The following RSF1 variants were observed in gnomAD, a reference collection of about 807,000 sequenced individuals.
The protein encoded by RSF1 is HBV pX-associated protein 8.
Under a neutral mutation model 145.2 loss-of-function variants are expected in RSF1, and 13 were observed. The ratio of observed to expected loss-of-function variants is 0.09; its 90% CI spans 0.06 to 0.14. RSF1 has a LOEUF of 0.14. Ranked by LOEUF, RSF1 falls within the 10% of genes least tolerant of loss-of-function variation. The probability of loss-of-function intolerance (pLI) is 1.00; values close to 1 mark genes in which losing one functional copy is unlikely to be tolerated. For synonymous variants in RSF1, 577 were observed against 592.6 expected, an observed-to-expected ratio of 0.97 and a Z score of 0.38; for missense variants, 1,517 against 1,718.2, an observed-to-expected ratio of 0.88 and a Z score of 2.07.
chr11:77,869,955 G>A, the RSF1 span: 1 of 692,366 alleles, frequency 1.4e-6, no homozygotes, highest in African/African-American at 1.8e-5. Flanking sequence ...AGCAGTGGCT[G>A]CACACATTCC....
At chr11:77,669,877 T>C (rs1201641847) in intron 15 of RSF1, among the ~76,000 whole-genome samples, 1 of 152,180 alleles carries the variant, frequency 6.6e-6, no homozygotes, top group Non-Finnish European at 1.5e-5. Context: ...CCTGTAATCC[T>C]AACACTGTGG....
At position 77,666,119 on chromosome 11, in the gene RSF1, C is replaced by T. The variant is rs1959356862; in HGVS notation, c.*798G>A. 6.6e-6 allele frequency: 1 copy of T among 152,198 alleles called. No individual in the cohort carries two copies. Among genetic ancestry groups the T allele is most frequent in the South Asian group, 2.1e-4 (1 of 4,836 alleles). The allele number at this position is 152,198 out of a possible 1,614,324, so 9.4% of individuals were successfully genotyped here. The stretch of plus-strand genomic sequence containing the variant: ...ATTTCACTAATAACTCTCCATCAGA[C>T]ACAATATATTTGAGGCCACCTTATT... On this transcript the variant is annotated 3_prime_UTR_variant, in exon 16 of 16. Coordinates refer to ENST00000308488, the MANE Select transcript of RSF1 (RefSeq NM_016578.4).
Position 77,718,836 on chromosome 11 carries a change from G to C in RSF1, c.733+6709C>G, listed in dbSNP as rs180913022. Among the ~76,000 whole-genome samples the C allele has an allele frequency of 4.0e-3, 602 of 152,324 alleles. 3 individuals are homozygous for C. Among genetic ancestry groups the C allele is most frequent in the Non-Finnish European group, 6.4e-3 (437 of 68,030 alleles). On this transcript the variant is annotated intron_variant, in intron 5 of 15. Coordinates refer to ENST00000308488, the MANE Select transcript of RSF1 (RefSeq NM_016578.4). ...TGTGGTATTTTGTTATGAATAGCCT[G>C]AACAGACTAATAGACTACGTTAAGT... is the stretch of plus-strand genomic sequence containing the variant.
intron 11 of RSF1, among the ~76,000 whole-genome samples, chr11:77,683,182 G>A (rs560418481): frequency 6.6e-5 from 10 of 152,056 alleles, no homozygotes; most frequent in South Asian, 2.1e-4. Context: ...TCCCAGCTAC[G>A]TGGGAGGCTG....
At chr11:77,787,617 AAAAC>A (rs1948470012) in intron 1 of RSF1, among the ~76,000 whole-genome samples, 1 of 152,136 alleles carries the variant, frequency 6.6e-6, no homozygotes, top group African/African-American at 2.4e-5. Flanking sequence ...GAAAAAAATA[AAAAC>A]TAGACTAAAC....
the RSF1 span, among the ~76,000 whole-genome samples, chr11:77,835,923 A>G: frequency 6.6e-6 from 1 of 152,086 alleles, no homozygotes; most frequent in Non-Finnish European, 1.5e-5. Flanking sequence ...AGAAAAAAAA[A>G]ATAATAATAA....
chr11:77,792,756 C>G (rs1250227541), intron 1 of RSF1, among the ~76,000 whole-genome samples: 1 of 150,078 alleles, frequency 6.7e-6, no homozygotes, highest in Non-Finnish European at 1.5e-5. Flanking sequence ...AAAAAACTGC[C>G]AATCAAGATA....
rs763316597 is a variant in RSF1 at position 77,820,688 on chromosome 11, C to CGCCGCCGCT, written c.18_26dup (p.Ala7_Ala9dup). 30 of 1,551,922 alleles carry CGCCGCCGCT rather than the reference C, an allele frequency of 1.9e-5. No homozygotes were observed. Among genetic ancestry groups the CGCCGCCGCT allele is most frequent in the Non-Finnish European group, 2.5e-5 (29 of 1,149,250 alleles). ...CCGGGCAGCCCGGAGGAGCCATCAC[C>CGCCGCCGCT]GCCGCCGCTGCCGCCGCCGTCGCCA... On this transcript the variant is annotated inframe_insertion, in exon 1 of 16. Coordinates refer to ENST00000308488, the MANE Select transcript of RSF1 (RefSeq NM_016578.4).
At chr11:77,820,976 C>A, upstream of RSF1, 3 of 515,480 alleles carry the variant, frequency 5.8e-6, no homozygotes, top group Non-Finnish European at 1.0e-5. Flanking sequence ...TCCTCCCCTT[C>A]GGGCTTGCCA....
intron 5 of RSF1, among the ~76,000 whole-genome samples, chr11:77,704,136 A>G (rs1416695695): frequency 6.6e-6 from 1 of 152,210 alleles, no homozygotes; most frequent in East Asian, 1.9e-4. Flanking sequence ...TCTACAAAAA[A>G]TACAAAAAGT....
At chr11:77,692,606 T>C (rs1367484096) in intron 8 of RSF1, among the ~76,000 whole-genome samples, 1 of 151,734 alleles carries the variant, frequency 6.6e-6, no homozygotes, top group Non-Finnish European at 1.5e-5. Flanking sequence ...CTCAAACTCA[T>C]GGCCTTTAGT....
chr11:77,748,369 C>A (rs112744793), intron 2 of RSF1, among the ~76,000 whole-genome samples: 1 of 151,664 alleles, frequency 6.6e-6, no homozygotes, highest in South Asian at 2.1e-4. Flanking sequence ...GGGCTATAGC[C>A]GTGTGCCACC....
chr11:77,811,128 G>C (rs1406419985), intron 1 of RSF1, among the ~76,000 whole-genome samples: 1 of 152,178 alleles, frequency 6.6e-6, no homozygotes, highest in African/African-American at 2.4e-5. Context: ...TGTGAAAGCA[G>C]CTACAGACAA....
chr11:77,687,062 C>T (rs1960028716), intron 9 of RSF1, among the ~76,000 whole-genome samples: 1 of 152,114 alleles, frequency 6.6e-6, no homozygotes, highest in Non-Finnish European at 1.5e-5. Context: ...AATATAAGTG[C>T]TTACTTTAGA....
At chr11:77,685,806 T>C (rs971161294) in intron 9 of RSF1, among the ~76,000 whole-genome samples, 2 of 152,190 alleles carry the variant, frequency 1.3e-5, no homozygotes, top group Non-Finnish European at 2.9e-5. Context: ...TTAGACAAAT[T>C]AGATCTTTGT....
At chr11:77,705,430 T>C (rs1960525196) in intron 5 of RSF1, among the ~76,000 whole-genome samples, 1 of 152,224 alleles carries the variant, frequency 6.6e-6, no homozygotes, top group Non-Finnish European at 1.5e-5. Context: ...GATCACTTAT[T>C]ATGTGCTTTC....
intron 1 of RSF1, among the ~76,000 whole-genome samples, chr11:77,783,786 G>A (rs1388810289): frequency 6.6e-6 from 1 of 152,010 alleles, no homozygotes; most frequent in African/African-American, 2.4e-5. Flanking sequence ...AGGCTGCAGT[G>A]AGCCATGTTT....
At chr11:77,688,054 G>C (rs1280695528) in intron 9 of RSF1, among the ~76,000 whole-genome samples, 1 of 152,200 alleles carries the variant, frequency 6.6e-6, no homozygotes, top group Non-Finnish European at 1.5e-5. Context: ...ACTTTGGTAG[G>C]CCAAGGCAGG....
intron 11 of RSF1, 61 bp downstream of exon 11, chr11:77,683,649 C>T (rs907852459): frequency 9.5e-6 from 10 of 1,051,034 alleles, no homozygotes; most frequent in Non-Finnish European, 1.3e-5. Flanking sequence ...ACTTCTGGAT[C>T]ATGCTGTGTA....
Sources: gnomAD v4.1 joint callset for allele counts (sites outside exome capture counted in the v4.1 genomes callset) on GRCh38, gnomAD v4.1.1 for gene constraint, MANE v1.5 for transcripts, NCBI Gene and HGNC (gene_info 2026-07-23, HGNC 2026-07-21) for gene names.